NT5M: variants seen among roughly 807,000 people sequenced by gnomAD.
NT5M encodes the protein 5'(3')-deoxyribonucleotidase, mitochondrial.
In NT5M, 22 loss-of-function variants were observed where a neutral mutation model predicts 22.2. The observed-to-expected ratio is 0.99, with a 90% CI of 0.71 to 1.41. NT5M has a LOEUF of 1.41. Ranked by LOEUF, NT5M falls within the 40% of genes most tolerant of loss-of-function variation. The pLI is 0.00. For synonymous variants in NT5M, 167 were observed against 133.0 expected, an observed-to-expected ratio of 1.26 and a Z score of -1.76; for missense variants, 322 against 314.8, an observed-to-expected ratio of 1.02 and a Z score of -0.17.
chr17:17,341,217 A>G (rs1390342857), intron 3 of NT5M, among the ~76,000 whole-genome samples: 1 of 152,174 alleles, frequency 6.6e-6, no homozygotes, highest in Non-Finnish European at 1.5e-5. Context: ...CCAAATTAAC[A>G]GTTCTAGTTG....
intron 3 of NT5M, among the ~76,000 whole-genome samples, chr17:17,339,308 G>GT (rs1001617831): frequency 2.0e-5 from 3 of 151,096 alleles, no homozygotes; most frequent in African/African-American, 4.9e-5. Context: ...GATTGTTCCT[G>GT]TTTTTTTCAG....
chr17:17,304,544 T>A (rs567083937), intron 1 of NT5M: 1 of 625,488 alleles, frequency 1.6e-6, no homozygotes, highest in African/African-American at 2.0e-5. Context: ...TTAAAGAGGC[T>A]GAGTGTTTTT....
intron 2 of NT5M, among the ~76,000 whole-genome samples, chr17:17,310,834 C>G (rs537943522): frequency 1.7e-3 from 261 of 152,088 alleles, no homozygotes; most frequent in African/African-American, 5.8e-3. Context: ...GCACTCCAGC[C>G]TAGGTGACAA....
intron 3 of NT5M, among the ~76,000 whole-genome samples, chr17:17,329,932 A>T (rs571836244): frequency 6.6e-6 from 1 of 152,292 alleles, no homozygotes; most frequent in East Asian, 1.9e-4. Flanking sequence ...TGATCATGCC[A>T]CTGCATTACA....
intron 2 of NT5M, among the ~76,000 whole-genome samples, chr17:17,307,812 C>T (rs1457719302): frequency 2.0e-5 from 3 of 151,934 alleles, no homozygotes; most frequent in Non-Finnish European, 2.9e-5. Flanking sequence ...GAGCCAAGAT[C>T]GCGCCACTAC....
At chr17:17,324,083 C>A (rs963195027) in intron 3 of NT5M, among the ~76,000 whole-genome samples, 1 of 151,810 alleles carries the variant, frequency 6.6e-6, no homozygotes, top group African/African-American at 2.4e-5. Flanking sequence ...CCATGTTGGC[C>A]AGGCTGGTCT....
chr17:17,303,888 G>C (rs1375287549), intron 1 of NT5M, 71 bp downstream of exon 1: 1 of 1,311,324 alleles, frequency 7.6e-7, no homozygotes, highest in African/African-American at 1.5e-5. Context: ...CCCCTGCGCC[G>C]GTGACCTTGG....
At chr17:17,311,357 T>G (rs1441345523) in intron 2 of NT5M, among the ~76,000 whole-genome samples, 1 of 151,888 alleles carries the variant, frequency 6.6e-6, no homozygotes, top group Non-Finnish European at 1.5e-5. Flanking sequence ...AAAAAGAGTT[T>G]TAGTTTTAGC....
chr17:17,344,288 G>C lies in NT5M; in HGVS notation c.430-506G>C, dbSNP rs538949617. Among the ~76,000 whole-genome samples the C allele has an allele frequency of 2.0e-5, 3 of 152,324 alleles. No homozygotes were observed. In the South Asian group the frequency reaches 6.2e-4, roughly 32 times the overall value. On this transcript the variant is annotated intron_variant, in intron 3 of 4. Coordinates refer to ENST00000389022, the MANE Select transcript of NT5M (RefSeq NM_020201.4). The stretch of plus-strand genomic sequence containing the variant: ...GTGGCTTCTTTGTAGGCCTGTCCCA[G>C]GTGTTATGTAACCATTGTTTAAGAG...
intron 1 of NT5M, among the ~76,000 whole-genome samples, chr17:17,304,185 C>T (rs1455894231): frequency 2.0e-5 from 3 of 152,172 alleles, no homozygotes; most frequent in Non-Finnish European, 2.9e-5. Flanking sequence ...CACATTCCCA[C>T]TTCTTTGTCC....
At chr17:17,311,525 G>T (rs540695214) in intron 2 of NT5M, among the ~76,000 whole-genome samples, 3 of 152,158 alleles carry the variant, frequency 2.0e-5, no homozygotes, top group East Asian at 3.9e-4. Context: ...TCACACTCTT[G>T]CTGAGAATTA....
At chr17:17,333,029 G>A (rs1386790412) in intron 3 of NT5M, among the ~76,000 whole-genome samples, 1 of 152,138 alleles carries the variant, frequency 6.6e-6, no homozygotes, top group Non-Finnish European at 1.5e-5. Flanking sequence ...GTATTGTCAG[G>A]GCTCTGGATT....
chr17:17,344,544 G>T (rs994971635), intron 3 of NT5M, among the ~76,000 whole-genome samples: 1 of 152,150 alleles, frequency 6.6e-6, no homozygotes, highest in Non-Finnish European at 1.5e-5. Context: ...ACAGGGCTGG[G>T]TTTGTCGTGA....
At chr17:17,336,000 CTTTTTTTTTTT>C (rs1167144502) in intron 3 of NT5M, among the ~76,000 whole-genome samples, 1 of 98,920 alleles carries the variant, frequency 1.0e-5, no homozygotes, top group Non-Finnish European at 2.0e-5. Flanking sequence ...CTTATTCATT[CTTTTTTTTTTT>C]TTTTTTTTTG....
intron 3 of NT5M, among the ~76,000 whole-genome samples, chr17:17,327,110 T>C (rs1320416340): frequency 2.6e-5 from 1 of 38,970 alleles, no homozygotes; most frequent in African/African-American, 7.7e-5. Context: ...GAAACAGGGT[T>C]TCATCATGTT....
rs1243548359 is a variant in NT5M, at chr17:17,346,938, G to A, written c.678G>A (p.Arg226=). ...GGAAGGCCATTCTGGACAGCAAGCG[G>A]CCCTGCTGAGCTGGACTGTGCTTCG... ...DDWKAILDSK[R]PC is the part of the protein sequence containing the mutation. Residue 226 remains arginine, a synonymous_variant, in exon 5 of 5, where the codon CGG becomes CGA. Coordinates refer to ENST00000389022, the MANE Select transcript of NT5M (RefSeq NM_020201.4). 2 of 1,611,032 alleles carry A rather than the reference G, an allele frequency of 1.2e-6. No homozygotes were observed. The highest frequency in any genetic ancestry group is 1.3e-5 in the African/African-American group (1 of 75,064).
chr17:17,311,318 G>A (rs773605979), intron 2 of NT5M, among the ~76,000 whole-genome samples: 2 of 145,214 alleles, frequency 1.4e-5, no homozygotes, highest in South Asian at 2.2e-4. Flanking sequence ...AGCCTGGGCC[G>A]ACAGAGTGAG....
Position 17,346,890 on chromosome 17 carries a change from G to T in NT5M, c.630G>T (p.Arg210Ser). ...QHLQLQPPRR[R>S]LHSWADDWKA... ...TGCAGCTGCAGCCCCCCCGCCGCAG[G>T]CTGCACTCGTGGGCGGACGACTGGA... The change falls in exon 5 of 5, where the codon AGG (arginine) becomes AGT (serine). Residue 210 changes from arginine (R) to serine (S), a missense_variant. Arg to Ser is a moderately radical substitution (Grantham distance 110). Coordinates refer to ENST00000389022, the MANE Select transcript of NT5M (RefSeq NM_020201.4). 1.2e-6 allele frequency: 2 copies of T among 1,610,876 alleles called. No homozygotes were observed. Among genetic ancestry groups the T allele is most frequent in the South Asian group, 1.1e-5 (1 of 91,072 alleles).
intron 3 of NT5M, among the ~76,000 whole-genome samples, chr17:17,338,677 GT>G (rs59650601): frequency 0.073 from 5,342 of 73,182 alleles, 199 homozygotes; most frequent in African/African-American, 0.14. Flanking sequence ...AATGTTAAGG[GT>G]TTTTTTTTTT....
Sources: gnomAD v4.1 joint callset for allele counts (sites outside exome capture counted in the v4.1 genomes callset) on GRCh38, gnomAD v4.1.1 for gene constraint, MANE v1.5 for transcripts, NCBI Gene and HGNC (gene_info 2026-07-23, HGNC 2026-07-21) for gene names.